The following SMARCB1 variants were observed in gnomAD, a reference collection of about 807,000 sequenced individuals.
SMARCB1 encodes the protein SWI/SNF related BAF chromatin remodeling complex subunit B1, also known as SWI/SNF-related matrix-associated actin-dependent regulator of chromatin subfamily B member 1.
Under a neutral mutation model 49.0 loss-of-function variants are expected in SMARCB1, and 5 were observed. That is an observed-to-expected ratio of 0.10 (90% CI 0.05 to 0.21). The LOEUF (loss-of-function observed/expected upper bound fraction) is 0.21, where lower values mean the gene tolerates loss of function less well. Among genes scored for constraint, SMARCB1 ranks in the 10% least tolerant of loss-of-function variants. The probability of loss-of-function intolerance (pLI) is 1.00; values close to 1 mark genes in which losing one functional copy is unlikely to be tolerated. For missense variants in SMARCB1, 226 were observed against 509.2 expected, an observed-to-expected ratio of 0.44 and a Z score of 5.35; for synonymous variants, 201 against 200.1, an observed-to-expected ratio of 1.00 and a Z score of -0.04.
intron 3 of SMARCB1, among the ~76,000 whole-genome samples, chr22:23,797,016 T>TTTTTTTC (rs1928794847): frequency 6.6e-6 from 1 of 150,596 alleles, no homozygotes; most frequent in African/African-American, 2.4e-5. Flanking sequence ...TTTTTTTTTT[T>TTTTTTTC]TGAGACGGAG....
intron 2 of SMARCB1, chr22:23,793,303 C>A: frequency 1.8e-6 from 1 of 554,930 alleles, no homozygotes. Flanking sequence ...GCACTTCCCT[C>A]TGCCCCGAGC....
intron 5 of SMARCB1, among the ~76,000 whole-genome samples, chr22:23,805,316 C>T (rs1929429166): frequency 6.6e-6 from 1 of 151,884 alleles, no homozygotes; most frequent in Admixed American, 6.6e-5. Flanking sequence ...AGGTACAGTT[C>T]ACTGGTCATG....
rs1392191600 is a variant in SMARCB1, at chr22:23,834,365, GC to G, written c.*191del. The G allele has an allele frequency of 2.9e-6, 2 of 701,592 alleles. No individual in the cohort carries two copies. Among genetic ancestry groups the G allele is most frequent in the African/African-American group, 3.5e-5 (2 of 56,602 alleles). 43.5% of individuals were successfully genotyped at this position (701,592 alleles called of 1,614,324 possible). A position where few individuals can be genotyped will look rare whatever the true frequency, so the allele number is the denominator to read the frequency against. ...ATTCCATTTGTTGAGCCCCAGTCCT[GC>G]CCCCCACCCCACCCTCCCTACCCCT... On this transcript the variant is annotated 3_prime_UTR_variant, in exon 9 of 9. Transcript: ENST00000644036.
chr22:23,803,686 G>A, intron 5 of SMARCB1: 2 of 552,684 alleles, frequency 3.6e-6, no homozygotes, highest in Admixed American at 2.9e-5. Flanking sequence ...CGGCTGATCT[G>A]CATAGCATGG....
chr22:23,833,439 G>A, intron 7 of SMARCB1, 133 bp from the exon 8 acceptor site: 2 of 1,283,272 alleles, frequency 1.6e-6, no homozygotes, highest in Non-Finnish European at 2.2e-6. Context: ...TGAGGTTCAG[G>A]TGACTGGAGC....
In SMARCB1 at chr22:23,836,222, A is replaced by T. The variant is rs1030179907; in HGVS notation, c.*2042A>T. The T allele has an allele frequency of 3.0e-6, 3 of 985,246 alleles. No individual in the cohort carries two copies. In the African/African-American group the frequency reaches 5.2e-5, roughly 17 times the overall value. 61.0% of individuals were successfully genotyped at this position (985,246 alleles called of 1,614,324 possible). A position where few individuals can be genotyped will look rare whatever the true frequency, so the allele number is the denominator to read the frequency against. On this transcript the variant is annotated 3_prime_UTR_variant, in exon 9 of 9. Transcript: ENST00000644036. ...TCTGAGGTCATAGAAAGGGCAGAAG[A>T]CCTAGTCCTGGCCCTCTTCTGCACC...
At position 23,793,636 on chromosome 22, in the gene SMARCB1, G is replaced by T. The variant is rs767791254; in HGVS notation, c.310G>T (p.Asp104Tyr). ...AGTGGAAGAGATTCTGGATGGCAACGATGAGAAGTACAAGGCTGTGTCCAT... is the reference window on the plus strand; with the variant it reads ...AGTGGAAGAGATTCTGGATGGCAACTATGAGAAGTACAAGGCTGTGTCCAT... ...SEVEEILDGN[D>Y]EKYKAVSIST... The change falls in exon 3 of 9, where the codon GAT (aspartate) becomes TAT (tyrosine). Residue 104 changes from aspartate (D) to tyrosine (Y), a missense_variant. Coordinates refer to ENST00000644036, the MANE Select transcript of SMARCB1 (RefSeq NM_003073.5). The T allele has an allele frequency of 6.2e-7, 1 of 1,614,122 alleles. No homozygotes were observed. Among genetic ancestry groups the T allele is most frequent in the Non-Finnish European group, 8.5e-7 (1 of 1,179,984 alleles).
intron 5 of SMARCB1, chr22:23,816,133 T>TG (rs1930183087): frequency 1.3e-5 from 2 of 158,912 alleles, no homozygotes; most frequent in Non-Finnish European, 2.8e-5. Flanking sequence ...CAGTACGGTC[T>TG]GGGTGGAGCA....
At chr22:23,813,922 C>A (rs5760047) in intron 5 of SMARCB1, among the ~76,000 whole-genome samples, 1 of 151,918 alleles carries the variant, frequency 6.6e-6, no homozygotes, top group African/African-American at 2.4e-5. Flanking sequence ...CTCCACCTTC[C>A]GGTTTCAAGC....
intron 4 of SMARCB1, chr22:23,803,049 A>G: frequency 5.1e-6 from 3 of 587,982 alleles, no homozygotes; most frequent in Non-Finnish European, 9.2e-6. Flanking sequence ...GTGTTGTTCC[A>G]ACACTGCCCA....
At chr22:23,814,938 C>G (rs1166184853) in intron 5 of SMARCB1, 1 of 149,898 alleles carries the variant, frequency 6.7e-6, no homozygotes, top group Non-Finnish European at 1.5e-5. Flanking sequence ...CCGTTGCGCT[C>G]CAGCCTGGGC....
At chr22:23,800,825 C>T (rs772740908) in intron 3 of SMARCB1, 119 bp from the exon 4 acceptor site, 13 of 851,772 alleles carry the variant, frequency 1.5e-5, no homozygotes, top group Non-Finnish European at 2.7e-5. Context: ...CAGACAACTC[C>T]CATGGGAGCC....
At position 23,832,643 on chromosome 22, in the gene SMARCB1, C is replaced by T. The variant is rs899893198; in HGVS notation, c.987-929C>T. 2.0e-5 allele frequency among the ~76,000 whole-genome samples: 3 copies of T among 152,130 alleles called. No individual in the cohort carries two copies. The East Asian group carries it at 5.8e-4, about 29-fold the overall frequency. ...TCACTCAACTGGGAAACACTGTCAGCACCCAAAGCTGCTCTCAGAGGTGGG... is the reference window on the plus strand; with the variant it reads ...TCACTCAACTGGGAAACACTGTCAGTACCCAAAGCTGCTCTCAGAGGTGGG... On this transcript the variant is annotated intron_variant, in intron 7 of 8. Coordinates refer to ENST00000644036, the MANE Select transcript of SMARCB1 (RefSeq NM_003073.5).
At chr22:23,810,544 A>AAAAG (rs1215628586) in intron 5 of SMARCB1, among the ~76,000 whole-genome samples, 2 of 150,624 alleles carry the variant, frequency 1.3e-5, no homozygotes, top group Non-Finnish European at 3.0e-5. Context: ...AAAAAAAAAA[A>AAAAG]AAAGAAAGAA....
intron 5 of SMARCB1, among the ~76,000 whole-genome samples, chr22:23,807,130 T>C (rs565798643): frequency 6.6e-6 from 1 of 152,228 alleles, no homozygotes; most frequent in Non-Finnish European, 1.5e-5. Context: ...CCAGAACACA[T>C]GTGGACATAG....
Position 23,836,144 on chromosome 22 carries a change from A to C in SMARCB1, c.*1964A>C, listed in dbSNP as rs2031030657. 1 of 985,378 alleles carries C rather than the reference A, an allele frequency of 1.0e-6. No homozygotes were observed. The highest frequency in any genetic ancestry group is 1.2e-6 in the Non-Finnish European group (1 of 829,958). 61.0% of individuals were successfully genotyped at this position (985,378 alleles called of 1,614,324 possible). A position where few individuals can be genotyped will look rare whatever the true frequency, so the allele number is the denominator to read the frequency against. On this transcript the variant is annotated 3_prime_UTR_variant, in exon 9 of 9. Coordinates refer to ENST00000644036, the MANE Select transcript of SMARCB1 (RefSeq NM_003073.5). Reference sequence around the variant, plus strand: ...AAAAAGGGCAGGAACAGAACCTTCCAGAAGTCCCTGCCTCACCCAGTCTCA... The same window carrying C: ...AAAAAGGGCAGGAACAGAACCTTCCCGAAGTCCCTGCCTCACCCAGTCTCA...
chr22:23,816,956 G>T lies in SMARCB1; in HGVS notation c.795+20G>T. On this transcript the variant is annotated intron_variant, in intron 6 of 8. Coordinates refer to ENST00000644036, the MANE Select transcript of SMARCB1 (RefSeq NM_003073.5). The stretch of plus-strand genomic sequence containing the variant: ...ATCAAGGTAGGTGACTTCTCACCCA[G>T]CACTGGAGCCTTCCTGGCCCTCAGG... 1 of 1,608,972 alleles carries T rather than the reference G, an allele frequency of 6.2e-7. No individual in the cohort carries two copies.
At chr22:23,801,283 C>A in intron 4 of SMARCB1, 1 of 794,376 alleles carries the variant, frequency 1.3e-6, no homozygotes, top group Non-Finnish European at 2.1e-6. Flanking sequence ...TGTCTGCTGT[C>A]ACCTTGCCAT....
At chr22:23,831,527 C>T (rs934210181) in intron 7 of SMARCB1, among the ~76,000 whole-genome samples, 10 of 152,190 alleles carry the variant, frequency 6.6e-5, no homozygotes, top group African/African-American at 9.7e-5. Flanking sequence ...AGGACAGCAT[C>T]TCCATGCCCA....
Sources: allele counts gnomAD v4.1 joint callset (sites outside exome capture counted in the v4.1 genomes callset), GRCh38; gene constraint gnomAD v4.1.1; transcripts MANE v1.5; gene names NCBI Gene and HGNC (gene_info 2026-07-23, HGNC 2026-07-21).